GALNT18: variants seen among roughly 807,000 people sequenced by gnomAD.
GALNT18 encodes the protein polypeptide N-acetylgalactosaminyltransferase 18, also known as GalNAc-transferase 18.
Under a neutral mutation model 69.5 loss-of-function variants are expected in GALNT18, and 44 were observed. The observed-to-expected ratio is 0.63, with a 90% confidence interval of 0.50 to 0.81. The LOEUF (loss-of-function observed/expected upper bound fraction) is 0.81. Ranked by LOEUF, GALNT18 falls within the 40% of genes least tolerant of loss-of-function variation. GALNT18 has a pLI of 0.00. For missense variants in GALNT18, 715 were observed against 810.0 expected (o/e 0.88, Z 1.42); for synonymous variants, 364 against 318.2 (o/e 1.14, Z -1.53).
intron 3 of GALNT18, among the ~76,000 whole-genome samples, chr11:11,423,306 A>C (rs1855054833): frequency 1.3e-5 from 2 of 152,226 alleles, no homozygotes; most frequent in African/African-American, 4.8e-5. Context: ...GTGTGCATAC[A>C]TGAACAGAGT....
chr11:11,324,798 G>C (rs1396702572), intron 9 of GALNT18, among the ~76,000 whole-genome samples: 1 of 151,880 alleles, frequency 6.6e-6, no homozygotes, highest in Admixed American at 6.6e-5. Context: ...GTAGATTCTG[G>C]ATATTTATCC....
At chr11:11,455,537 G>T (rs1451453562) in intron 1 of GALNT18, among the ~76,000 whole-genome samples, 1 of 152,172 alleles carries the variant, frequency 6.6e-6, no homozygotes, top group Non-Finnish European at 1.5e-5. Flanking sequence ...GAACCAGGAT[G>T]CAGGAGGAGG....
chr11:11,495,833 G>A (rs1336335191), intron 1 of GALNT18, among the ~76,000 whole-genome samples: 1 of 152,198 alleles, frequency 6.6e-6, no homozygotes, highest in African/African-American at 2.4e-5. Flanking sequence ...AAACATGCCA[G>A]AGCAGAAAGG....
rs908751969 is a variant in GALNT18, at chr11:11,538,375, G to A, written c.235+82984C>T. Among the ~76,000 whole-genome samples the A allele has an allele frequency of 1.3e-5, 2 of 152,114 alleles. No homozygotes were observed. Among genetic ancestry groups the A allele is most frequent in the African/African-American group, 4.8e-5 (2 of 41,406 alleles). ...CTGGAGGAGGGCTGCTCTTTCTGCC[G>A]CATGTTCATTTCAGCTGAGCCACCC... On this transcript the variant is annotated intron_variant, in intron 1 of 10. Transcript: ENST00000227756. This position sits in a 1 kb window ranked among gnomAD's most constrained non-coding sequence, Gnocchi z 5.2.
intron 3 of GALNT18, among the ~76,000 whole-genome samples, chr11:11,381,389 G>A (rs1431735455): frequency 6.6e-6 from 1 of 152,114 alleles, no homozygotes; most frequent in Non-Finnish European, 1.5e-5. Context: ...CCATGAAAGG[G>A]ATACCTGTCC....
chr11:11,364,677 T>G (rs549841061), intron 6 of GALNT18, among the ~76,000 whole-genome samples: 5 of 152,354 alleles, frequency 3.3e-5, no homozygotes, highest in African/African-American at 1.2e-4. Flanking sequence ...ATGAGAGAAT[T>G]AGAAAAATGT....
At chr11:11,599,786 A>G (rs114669310) in intron 1 of GALNT18, among the ~76,000 whole-genome samples, 1,894 of 152,092 alleles carry the variant, frequency 0.012, 47 homozygotes, top group African/African-American at 0.044. Context: ...GAATTTACCA[A>G]TAAAAATTAT....
At chr11:11,362,803 T>C (rs1850672910) in intron 6 of GALNT18, among the ~76,000 whole-genome samples, 1 of 152,162 alleles carries the variant, frequency 6.6e-6, no homozygotes, top group Admixed American at 6.5e-5. Flanking sequence ...AAGTTACGTA[T>C]GCATTTACCC....
At chr11:11,357,927 G>C (rs1446536557) in intron 6 of GALNT18, among the ~76,000 whole-genome samples, 1 of 152,100 alleles carries the variant, frequency 6.6e-6, no homozygotes, top group Non-Finnish European at 1.5e-5. Flanking sequence ...TCAACAAATG[G>C]TAGCTATTAT....
rs924392552 is a variant in GALNT18 at position 11,542,107 on chromosome 11, C to T, written c.235+79252G>A. On this transcript the variant is annotated intron_variant, in intron 1 of 10. Transcript: ENST00000227756. This position sits in a 1 kb window ranked among gnomAD's most constrained non-coding sequence, Gnocchi z 4.3. ...AGGAGGCTGCAGAGGGTTCCACGCA[C>T]CCCGCTCCTCACCCACAAGCTAGTG... is the stretch of plus-strand genomic sequence containing the variant. 6.6e-6 allele frequency among the ~76,000 whole-genome samples: 1 copy of T among 152,210 alleles called. No individual in the cohort carries two copies. The highest frequency in any genetic ancestry group is 2.4e-5 in the African/African-American group (1 of 41,440).
chr11:11,530,720 C>A (rs1857626461), intron 1 of GALNT18, among the ~76,000 whole-genome samples: 1 of 152,210 alleles, frequency 6.6e-6, no homozygotes, highest in South Asian at 2.1e-4. Context: ...GTGTTCACGA[C>A]CCAAAGCCAT....
chr11:11,420,677 G>A (rs1321722124), intron 3 of GALNT18, among the ~76,000 whole-genome samples: 6 of 152,212 alleles, frequency 3.9e-5, no homozygotes, highest in Non-Finnish European at 5.9e-5. Flanking sequence ...GTCTTTTCAA[G>A]CTGCTGAGAA....
intron 6 of GALNT18, among the ~76,000 whole-genome samples, chr11:11,358,564 C>T (rs1395804658): frequency 7.1e-6 from 1 of 140,066 alleles, no homozygotes; most frequent in Non-Finnish European, 1.6e-5. Context: ...AACAGATGGA[C>T]AATGACTCAG....
intron 6 of GALNT18, among the ~76,000 whole-genome samples, chr11:11,342,625 A>T (rs1329771282): frequency 1.3e-5 from 2 of 152,220 alleles, no homozygotes; most frequent in Admixed American, 1.3e-4. Flanking sequence ...CCTTGAGTTT[A>T]TAACTTAGGA....
At chr11:11,525,565 G>A (rs1446736398) in intron 1 of GALNT18, among the ~76,000 whole-genome samples, 2 of 151,868 alleles carry the variant, frequency 1.3e-5, no homozygotes, top group Admixed American at 6.6e-5. Context: ...AGTCAGTTGT[G>A]GATATGGAGG....
rs1300902539 is a variant in GALNT18, at chr11:11,461,079, G to A, written c.236-12143C>T. Among the ~76,000 whole-genome samples the A allele has an allele frequency of 1.3e-5, 2 of 152,198 alleles. No individual in the cohort carries two copies. Among genetic ancestry groups the A allele is most frequent in the African/African-American group, 4.8e-5 (2 of 41,450 alleles). On this transcript the variant is annotated intron_variant, in intron 1 of 10. Transcript: ENST00000227756. This position sits in a 1 kb window ranked among gnomAD's most constrained non-coding sequence, Gnocchi z 4.1. ...AAAGACCAGAGTCAGTTCAGTCCGG[G>A]CTGACATGGCAGACAAAGGACAGGA...
chr11:11,445,667 G>A (rs1855631616), intron 2 of GALNT18, among the ~76,000 whole-genome samples: 1 of 152,206 alleles, frequency 6.6e-6, no homozygotes, highest in Non-Finnish European at 1.5e-5. Flanking sequence ...CATGTGCAAA[G>A]AGAACCCTCC....
chr11:11,413,525 A>G lies in GALNT18; in HGVS notation c.595+19096T>C, dbSNP rs560939322. 1.3e-5 allele frequency among the ~76,000 whole-genome samples: 2 copies of G among 152,316 alleles called. No individual in the cohort carries two copies. The highest frequency in any genetic ancestry group is 4.1e-4 in the South Asian group (2 of 4,824). On this transcript the variant is annotated intron_variant, in intron 3 of 10. Coordinates refer to ENST00000227756, the MANE Select transcript of GALNT18 (RefSeq NM_198516.3). This position sits in a 1 kb window ranked among gnomAD's most constrained non-coding sequence, Gnocchi z 4.7. ...CATTAGACTGCAATTTCAGGTTTATATAATTTGGTGCTTAATGCACCGTAC... is the reference window on the plus strand; with the variant it reads ...CATTAGACTGCAATTTCAGGTTTATGTAATTTGGTGCTTAATGCACCGTAC...
intron 1 of GALNT18, among the ~76,000 whole-genome samples, chr11:11,574,326 C>G (rs1279186865): frequency 6.6e-6 from 1 of 152,190 alleles, no homozygotes; most frequent in African/African-American, 2.4e-5. Flanking sequence ...GACCAGAAAT[C>G]TGGTCAAATC....
Sources: gnomAD v4.1 joint callset for allele counts (sites outside exome capture counted in the v4.1 genomes callset) on GRCh38, gnomAD v4.1.1 for gene constraint, Gnocchi (gnomAD v3.1) non-coding constraint, MANE v1.5 for transcripts, NCBI Gene and HGNC (gene_info 2026-07-23, HGNC 2026-07-21) for gene names.